DGKD: variants seen among roughly 807,000 people sequenced by gnomAD.
The protein encoded by DGKD is DAG kinase delta.
Under a neutral mutation model 154.4 loss-of-function variants are expected in DGKD, and 68 were observed. That is an observed-to-expected ratio of 0.44 (90% CI 0.36 to 0.54). The LOEUF (loss-of-function observed/expected upper bound fraction) is 0.54, where lower values mean the gene tolerates loss of function less well. Among genes scored for constraint, DGKD ranks in the 20% least tolerant of loss-of-function variants. DGKD has a pLI of 0.00. For synonymous variants in DGKD, 693 were observed against 638.0 expected (o/e 1.09, Z -1.30); for missense variants, 1,343 against 1,593.6 (o/e 0.84, Z 2.68).
At chr2:233,411,201 A>G (rs1209992078) in intron 3 of DGKD, among the ~76,000 whole-genome samples, 1 of 152,162 alleles carries the variant, frequency 6.6e-6, no homozygotes, top group East Asian at 1.9e-4. Flanking sequence ...TCTTGGGTAA[A>G]CACCTTGAAG....
chr2:233,442,082 C>T lies in DGKD; in HGVS notation c.1194+87C>T, dbSNP rs527543565. 6.7e-4 allele frequency: 786 copies of T among 1,175,190 alleles called. 12 individuals are homozygous for T. Among genetic ancestry groups the T allele is most frequent in the South Asian group, 6.5e-3 (523 of 80,958 alleles). 72.8% of individuals were successfully genotyped at this position (1,175,190 alleles called of 1,614,324 possible). ...ATGCAGTCTCAGCTCCTGTTCATCT[C>T]GGAGCACCTGTTCTCAGGCCAGAAA... On this transcript the variant is annotated intron_variant, in intron 10 of 29. Transcript: ENST00000264057.
chr2:233,411,457 T>C (rs1326477803), intron 3 of DGKD, among the ~76,000 whole-genome samples: 2 of 152,252 alleles, frequency 1.3e-5, no homozygotes, highest in Non-Finnish European at 2.9e-5. Context: ...TGTCAACATC[T>C]TTTCATGTGT....
chr2:233,354,649 C>A lies in DGKD; in HGVS notation c.131C>A (p.Ser44Tyr). The A allele has an allele frequency of 9.1e-7, 1 of 1,093,852 alleles. No individual in the cohort carries two copies. Among genetic ancestry groups the A allele is most frequent in the Admixed American group, 3.8e-5 (1 of 26,254 alleles). 67.8% of individuals were successfully genotyped at this position (1,093,852 alleles called of 1,614,324 possible). A position where few individuals can be genotyped will look rare whatever the true frequency, so the allele number is the denominator to read the frequency against. ...CCACAGAAGCTCATCCGCAAGGTGT[C>A]CACGTCGGGTCAGATCCGACAGAAG... ...GSPQKLIRKVSTSGQIRQKTI... is the reference protein window; with the variant it reads ...GSPQKLIRKVYTSGQIRQKTI... The change falls in exon 1 of 30, where the codon TCC (serine) becomes TAC (tyrosine). Residue 44 changes from serine to tyrosine, a missense_variant. This residue lies in a region of DGKD where 332 missense variants were observed against 400.1 expected (regional missense o/e 0.83). Transcript: ENST00000264057. This position sits in a 1 kb window ranked among gnomAD's most constrained non-coding sequence, Gnocchi z 4.8.
intron 3 of DGKD, among the ~76,000 whole-genome samples, chr2:233,423,771 T>G (rs2062198193): frequency 6.6e-6 from 1 of 152,108 alleles, no homozygotes; most frequent in Admixed American, 6.5e-5. Context: ...CCTGGATCCT[T>G]GGCCTGGAAG....
intron 26 of DGKD, 126 bp downstream of exon 26, chr2:233,462,861 A>G (rs1160704521): frequency 1.2e-6 from 1 of 844,570 alleles, no homozygotes; most frequent in African/African-American, 1.7e-5. Flanking sequence ...AATGGGCCGC[A>G]GAGGTCATTT....
At chr2:233,409,649 C>T (rs557768983) in intron 3 of DGKD, among the ~76,000 whole-genome samples, 1 of 152,142 alleles carries the variant, frequency 6.6e-6, no homozygotes, top group South Asian at 2.1e-4. Context: ...CTTGAAACAA[C>T]TTGTTATCAA....
rs1032157077 is a variant in DGKD, at chr2:233,471,658, A to G, written c.*2198A>G. The G allele has an allele frequency of 1.3e-5, 2 of 152,408 alleles. No homozygotes were observed. The highest frequency in any genetic ancestry group is 4.8e-5 in the African/African-American group (2 of 41,468). The allele number at this position is 152,408 out of a possible 1,614,324, so 9.4% of individuals were successfully genotyped here. ...TGGGTTTGGATCAAAAGTGTTTAAAATTAATATGTTGTCAGTGATTAGAAC... is the reference window on the plus strand; with the variant it reads ...TGGGTTTGGATCAAAAGTGTTTAAAGTTAATATGTTGTCAGTGATTAGAAC... On this transcript the variant is annotated 3_prime_UTR_variant, in exon 30 of 30. Transcript: ENST00000264057.
chr2:233,387,835 A>T (rs1703287995), intron 1 of DGKD, among the ~76,000 whole-genome samples: 1 of 152,186 alleles, frequency 6.6e-6, no homozygotes. Flanking sequence ...ATCCTGAGAA[A>T]TGGCAGGGGG....
chr2:233,411,498 T>C (rs532704619), intron 3 of DGKD, among the ~76,000 whole-genome samples: 3 of 152,368 alleles, frequency 2.0e-5, no homozygotes, highest in African/African-American at 7.2e-5. Context: ...TTTTGTGAAA[T>C]GTGTGCTAGG....
Position 233,438,290 on chromosome 2 carries a change from C to G in DGKD, c.996C>G (p.Asp332Glu). 6.2e-7 allele frequency: 1 copy of G among 1,614,188 alleles called. No individual in the cohort carries two copies. Among genetic ancestry groups the G allele is most frequent in the Non-Finnish European group, 8.5e-7 (1 of 1,180,032 alleles). Residue 332 changes from aspartate to glutamate, a missense_variant, in exon 9 of 30, where the codon GAC becomes GAG. By Grantham distance (45) the Asp-to-Glu change is conservative (BLOSUM62 2). Coordinates refer to ENST00000264057, the MANE Select transcript of DGKD (RefSeq NM_152879.3). This position sits in a 1 kb window ranked among gnomAD's most constrained non-coding sequence, Gnocchi z 4.1. ...TCTTCGTCAATTCAAAAAGTGGGGA[C>G]AACCAGGGTGTGAAGTTCCTCAGAA... ...LLVFVNSKSG[D>E]NQGVKFLRRF...
At chr2:233,407,149 A>G (rs1326785539) in intron 3 of DGKD, among the ~76,000 whole-genome samples, 2 of 152,194 alleles carry the variant, frequency 1.3e-5, no homozygotes, top group Non-Finnish European at 2.9e-5. Context: ...AATGTTTCCT[A>G]GTTTCTAATC....
intron 3 of DGKD, among the ~76,000 whole-genome samples, chr2:233,421,958 A>C (rs1194085820): frequency 6.6e-6 from 1 of 152,142 alleles, no homozygotes; most frequent in East Asian, 1.9e-4. Context: ...GGTGAAGTTG[A>C]GGGAGCAGTT....
At chr2:233,375,253 C>T (rs1460408173) in intron 1 of DGKD, among the ~76,000 whole-genome samples, 2 of 151,856 alleles carry the variant, frequency 1.3e-5, no homozygotes, top group East Asian at 1.9e-4. Context: ...ATCGTGCCAC[C>T]GCGCTCCAGC....
At chr2:233,355,533 G>T (rs1408667975) in intron 1 of DGKD, among the ~76,000 whole-genome samples, 1 of 152,198 alleles carries the variant, frequency 6.6e-6, no homozygotes, top group Non-Finnish European at 1.5e-5. Context: ...TTCTCCTCCT[G>T]CTGCAGTGCG....
intron 1 of DGKD, among the ~76,000 whole-genome samples, chr2:233,374,613 G>A (rs1004619647): frequency 5.3e-5 from 8 of 151,928 alleles, no homozygotes; most frequent in African/African-American, 1.9e-4. Flanking sequence ...GAGATTACAG[G>A]TGTGAGCCAT....
chr2:233,451,186 C>T, intron 17 of DGKD, 136 bp downstream of exon 17: 1 of 956,740 alleles, frequency 1.0e-6, no homozygotes, highest in Non-Finnish European at 1.5e-6. Flanking sequence ...GAAAAATTTA[C>T]ACGACTGTAT....
At chr2:233,362,588 T>G (rs1027861194) in intron 1 of DGKD, among the ~76,000 whole-genome samples, 1 of 152,082 alleles carries the variant, frequency 6.6e-6, no homozygotes, top group African/African-American at 2.4e-5. Context: ...GAAGTGGAAG[T>G]TGCAGTGAGC....
intron 1 of DGKD, among the ~76,000 whole-genome samples, chr2:233,370,866 C>G (rs972928984): frequency 6.6e-6 from 1 of 152,018 alleles, no homozygotes; most frequent in African/African-American, 2.4e-5. Context: ...GTCCTCCCAC[C>G]TCAGCTTCCC....
At chr2:233,383,501 A>G (rs1049155834) in intron 1 of DGKD, among the ~76,000 whole-genome samples, 3 of 152,192 alleles carry the variant, frequency 2.0e-5, no homozygotes, top group African/African-American at 7.2e-5. Context: ...TTTAGCAGTC[A>G]TAGCTTATAT....
Sources: gnomAD v4.1 joint callset for allele counts (sites outside exome capture counted in the v4.1 genomes callset) on GRCh38, gnomAD v4.1.1 for gene constraint, gnomAD v4.1.1 regional missense constraint, Gnocchi (gnomAD v3.1) non-coding constraint, MANE v1.5 for transcripts, NCBI Gene and HGNC (gene_info 2026-07-23, HGNC 2026-07-21) for gene names.